XKRX: variants seen among roughly 807,000 people sequenced by gnomAD.
XKRX encodes the protein XK-related protein 2.
Under a neutral mutation model 22.4 loss-of-function variants are expected in XKRX, and 11 were observed. The ratio of observed to expected loss-of-function variants is 0.49; its 90% CI spans 0.31 to 0.81. The LOEUF (loss-of-function observed/expected upper bound fraction) is 0.81, where lower values mean the gene tolerates loss of function less well. Among genes scored for constraint, XKRX ranks in the 40% least tolerant of loss-of-function variants. The pLI, the probability that XKRX is intolerant of heterozygous loss-of-function variation, is 0.05. For synonymous variants in XKRX, 114 were observed against 132.2 expected (o/e 0.86, Z 0.94); for missense variants, 320 against 336.5 (o/e 0.95, Z 0.38).
the XKRX span, among the ~76,000 whole-genome samples, chrX:100,948,186 G>A: frequency 1.4e-4 from 16 of 111,022 alleles, no homozygotes; most frequent in Admixed American, 1.3e-3. Context: ...GATTACAGAC[G>A]TGAGTGACCA....
upstream of XKRX, among the ~76,000 whole-genome samples, chrX:100,930,309 T>C (rs1011571859): frequency 1.1e-5 from 1 of 95,191 alleles, no homozygotes; most frequent in African/African-American, 4.1e-5. Context: ...ATAATAATAA[T>C]AATAATAATA....
the XKRX span, among the ~76,000 whole-genome samples, chrX:100,954,226 C>G: frequency 1.8e-5 from 2 of 111,150 alleles, no homozygotes; most frequent in South Asian, 7.6e-4. Flanking sequence ...TGAGACCAGC[C>G]TCGCCAACAT....
chrX:100,891,883 TA>T, the XKRX span, among the ~76,000 whole-genome samples: 4 of 110,574 alleles, frequency 3.6e-5, no homozygotes, highest in African/African-American at 1.3e-4. Flanking sequence ...TATACTATAT[TA>T]AAAAAAACTC....
At chrX:100,950,654 A>G in the XKRX span, among the ~76,000 whole-genome samples, 1 of 112,172 alleles carries the variant, frequency 8.9e-6, no homozygotes, top group Non-Finnish European at 1.9e-5. Context: ...AAACCTAAAC[A>G]AAAGGACTGA....
At chrX:100,900,745 A>T in the XKRX span, among the ~76,000 whole-genome samples, 1 of 108,762 alleles carries the variant, frequency 9.2e-6, no homozygotes, top group Admixed American at 9.9e-5. Context: ...TTGAGAATGT[A>T]GGACCTCTGG....
At chrX:100,935,411 G>A in the XKRX span, among the ~76,000 whole-genome samples, 37 of 111,620 alleles carry the variant, frequency 3.3e-4, 1 homozygote, top group African/African-American at 1.2e-3. Flanking sequence ...CTACGAAAAT[G>A]TGCCTTTCAG....
At chrX:100,901,382 C>A in the XKRX span, among the ~76,000 whole-genome samples, 1 of 111,353 alleles carries the variant, frequency 9.0e-6, no homozygotes, top group Non-Finnish European at 1.9e-5. Context: ...GAAAAAAAGT[C>A]TTTGAACAAA....
At chrX:100,933,662 C>T (rs191495715), upstream of XKRX, among the ~76,000 whole-genome samples, 37 of 110,431 alleles carry the variant, frequency 3.4e-4, no homozygotes, top group African/African-American at 1.1e-3. Context: ...AACTTCCCTG[C>T]AGCCCTCACC....
chrX:100,911,011 A>G, downstream of XKRX: 1 of 562,126 alleles, frequency 1.8e-6, no homozygotes, highest in East Asian at 3.3e-5. Context: ...GAGCTACAGT[A>G]CTTTCCAATA....
chrX:100,915,910 C>T (rs2085433153), intron 2 of XKRX, among the ~76,000 whole-genome samples: 1 of 110,184 alleles, frequency 9.1e-6, no homozygotes, highest in Non-Finnish European at 1.9e-5. Flanking sequence ...TGGGTGGTTA[C>T]CAGGGGATGG....
the XKRX span, among the ~76,000 whole-genome samples, chrX:100,940,111 T>C: frequency 8.9e-6 from 1 of 112,101 alleles, no homozygotes; most frequent in African/African-American, 3.2e-5. Context: ...CTCTTTAGTT[T>C]AAATAATATT....
At position 100,922,914 on chromosome X, in the gene XKRX, C is replaced by G; in HGVS notation, c.483G>C (p.Leu161=). Residue 161 remains leucine, a synonymous_variant, in exon 2 of 3, where the codon CTG becomes CTC. Coordinates refer to ENST00000372956, the MANE Select transcript of XKRX (RefSeq NM_212559.3). ...EWEVGHSIRT[L]AMHRNAYKRM... ...GTTTGTAGGCATTGCGGTGCATAGC[C>G]AGGGTCCGGATGGAGTGGCCCACCT... 8.3e-7 allele frequency: 1 copy of G among 1,211,518 alleles called. No homozygotes were observed. The highest frequency in any genetic ancestry group is 1.8e-5 in the South Asian group (1 of 56,941).
chrX:100,949,351 G>C, the XKRX span, among the ~76,000 whole-genome samples: 2 of 88,367 alleles, frequency 2.3e-5, no homozygotes, highest in African/African-American at 8.2e-5. Context: ...AAAGAAACAG[G>C]ATGTTTTTGG....
chrX:100,907,840 G>C, the XKRX span, among the ~76,000 whole-genome samples: 3 of 111,131 alleles, frequency 2.7e-5, no homozygotes, highest in Non-Finnish European at 3.8e-5. Flanking sequence ...GAGAGTAACT[G>C]TTTATCTCCC....
chrX:100,933,735 GA>G (rs1234959905), upstream of XKRX, among the ~76,000 whole-genome samples: 1 of 111,349 alleles, frequency 9.0e-6, no homozygotes, highest in Non-Finnish European at 1.9e-5. Context: ...TGAAGGGAAA[GA>G]AGTGCTGCCA....
downstream of XKRX, among the ~76,000 whole-genome samples, chrX:100,912,968 C>T (rs1375456499): frequency 1.8e-5 from 2 of 110,963 alleles, no homozygotes; most frequent in Admixed American, 9.6e-5. Flanking sequence ...GAGACCGAGG[C>T]GGGTGGATCA....
At chrX:100,907,567 T>C in the XKRX span, among the ~76,000 whole-genome samples, 2 of 111,789 alleles carry the variant, frequency 1.8e-5, no homozygotes, top group Non-Finnish European at 3.8e-5. Context: ...GGGTAGATAG[T>C]ATTCCAATTA....
the XKRX span, among the ~76,000 whole-genome samples, chrX:100,940,939 C>A: frequency 9.0e-6 from 1 of 111,523 alleles, no homozygotes; most frequent in Non-Finnish European, 1.9e-5. Context: ...ATTTGCCCAC[C>A]CCCTCCAACC....
rs765848028 is a variant in XKRX at position 100,924,144 on chromosome X, G to A, written c.336-1083C>T. Among the ~76,000 whole-genome samples the A allele has an allele frequency of 1.9e-4, 21 of 108,378 alleles. No individual in the cohort carries two copies. The South Asian group carries it at 4.1e-3, about 21-fold the overall frequency. The allele number at this position is 108,378 out of a possible 115,157, so 94.1% of individuals were successfully genotyped here. ...TGAGATTACAGGCATGAGCCACTGC[G>A]CCTGGCCAGATTCTGCTTTTTCAAG... On this transcript the variant is annotated intron_variant, in intron 1 of 2. Transcript: ENST00000372956.
Sources: gnomAD v4.1 joint callset for allele counts (sites outside exome capture counted in the v4.1 genomes callset) on GRCh38, gnomAD v4.1.1 for gene constraint, MANE v1.5 for transcripts, NCBI Gene and HGNC (gene_info 2026-07-23, HGNC 2026-07-21) for gene names.